The following ZMAT5 variants were observed in gnomAD, a reference collection of about 807,000 sequenced individuals.
The protein encoded by ZMAT5 is zinc finger matrin-type 5.
Under a neutral mutation model 28.0 loss-of-function variants are expected in ZMAT5, and 23 were observed. The ratio of observed to expected loss-of-function variants is 0.82; its 90% CI spans 0.59 to 1.16. ZMAT5 has a LOEUF of 1.16. ZMAT5 is among the 50% of genes most tolerant of loss of function. The pLI, the probability that ZMAT5 is intolerant of heterozygous loss-of-function variation, is 0.00. For synonymous variants in ZMAT5, 76 were observed against 84.1 expected (o/e 0.90, Z 0.52); for missense variants, 173 against 212.7 (o/e 0.81, Z 1.16).
intron 5 of ZMAT5, among the ~76,000 whole-genome samples, chr22:29,732,204 C>T (rs1373627710): frequency 1.3e-5 from 2 of 152,268 alleles, no homozygotes; most frequent in Admixed American, 1.3e-4. Flanking sequence ...TGGCCCTTCT[C>T]AGGCTTCGAA....
chr22:29,754,970 T>A (rs2068085837), intron 1 of ZMAT5, among the ~76,000 whole-genome samples: 2 of 151,994 alleles, frequency 1.3e-5, no homozygotes, highest in African/African-American at 2.4e-5. Flanking sequence ...CCCCTCACCC[T>A]CTAAGTGAAC....
chr22:29,738,472 G>A (rs767724929), intron 4 of ZMAT5, 31 bp from the exon 5 acceptor site: 7 of 1,587,526 alleles, frequency 4.4e-6, no homozygotes, highest in Non-Finnish European at 6.0e-6. Flanking sequence ...AGGCAAGTGA[G>A]GGGTACACTC....
intron 2 of ZMAT5, among the ~76,000 whole-genome samples, 186 bp from the exon 3 acceptor site, chr22:29,742,666 C>T (rs1021877079): frequency 6.6e-6 from 1 of 152,264 alleles, no homozygotes; most frequent in South Asian, 2.1e-4. Flanking sequence ...CAGATGGATC[C>T]GAGCTGCAGG....
chr22:29,748,649 G>A, intron 1 of ZMAT5, 78 bp from the exon 2 acceptor site: 2 of 1,553,126 alleles, frequency 1.3e-6, no homozygotes, highest in Non-Finnish European at 8.7e-7. Flanking sequence ...GCTTCCTGAG[G>A]GCCAGGCCTG....
intron 1 of ZMAT5, among the ~76,000 whole-genome samples, chr22:29,754,812 C>T (rs1242511422): frequency 6.6e-6 from 1 of 152,058 alleles, no homozygotes; most frequent in Non-Finnish European, 1.5e-5. Flanking sequence ...GAGGTCAAGG[C>T]TCCAGCCAGC....
intron 1 of ZMAT5, among the ~76,000 whole-genome samples, chr22:29,763,929 G>C (rs2068183860): frequency 6.6e-6 from 1 of 151,912 alleles, no homozygotes; most frequent in Non-Finnish European, 1.5e-5. Flanking sequence ...TCCAGCCTGG[G>C]CAACAGAGTA....
At chr22:29,741,142 T>C (rs1471305471) in intron 3 of ZMAT5, among the ~76,000 whole-genome samples, 1 of 152,236 alleles carries the variant, frequency 6.6e-6, no homozygotes, top group African/African-American at 2.4e-5. Context: ...CCTAGTATTC[T>C]GCCTGCCTAC....
intron 2 of ZMAT5, among the ~76,000 whole-genome samples, chr22:29,743,487 G>A (rs1376887127): frequency 6.6e-6 from 1 of 152,168 alleles, no homozygotes; most frequent in Non-Finnish European, 1.5e-5. Context: ...CTGGAGTGCA[G>A]CGGCATGATC....
At chr22:29,739,899 CGTAGG>C (rs2067945532) in intron 4 of ZMAT5, among the ~76,000 whole-genome samples, 1 of 152,224 alleles carries the variant, frequency 6.6e-6, no homozygotes, top group African/African-American at 2.4e-5. Flanking sequence ...GAGTGAGGCC[CGTAGG>C]GGGATCAGGG....
intron 3 of ZMAT5, among the ~76,000 whole-genome samples, chr22:29,740,986 A>C (rs2067957110): frequency 6.6e-6 from 1 of 152,154 alleles, no homozygotes; most frequent in Non-Finnish European, 1.5e-5. Context: ...TTCCAACTGA[A>C]GCCTGTCATG....
intron 4 of ZMAT5, 145 bp from the exon 5 acceptor site, chr22:29,738,586 C>G: frequency 1.5e-6 from 1 of 649,004 alleles, no homozygotes; most frequent in Non-Finnish European, 2.7e-6. Context: ...ACCTGGACTG[C>G]TTCTCCAGGC....
intron 5 of ZMAT5, among the ~76,000 whole-genome samples, chr22:29,734,505 C>T (rs73390978): frequency 0.046 from 6,982 of 152,272 alleles, 547 homozygotes; most frequent in African/African-American, 0.16. Context: ...ACCTGGGGAA[C>T]GCCCGAACAG....
At chr22:29,740,242 G>A (rs975439408) in intron 4 of ZMAT5, among the ~76,000 whole-genome samples, 3 of 152,302 alleles carry the variant, frequency 2.0e-5, no homozygotes, top group Admixed American at 2.0e-4. Flanking sequence ...AGAGGGCAGG[G>A]AAGGTGCGTT....
intron 1 of ZMAT5, among the ~76,000 whole-genome samples, chr22:29,750,908 G>A (rs1403447111): frequency 6.6e-6 from 1 of 152,118 alleles, no homozygotes; most frequent in African/African-American, 2.4e-5. Flanking sequence ...TAAGTCAGGG[G>A]CTGTAATGGG....
At chr22:29,759,749 AAC>A (rs2068137888) in intron 1 of ZMAT5, among the ~76,000 whole-genome samples, 1 of 152,086 alleles carries the variant, frequency 6.6e-6, no homozygotes, top group Non-Finnish European at 1.5e-5. Context: ...CAGCTTGGGC[AAC>A]AGAGTGAGAC....
At chr22:29,755,827 G>A (rs747785573) in intron 1 of ZMAT5, among the ~76,000 whole-genome samples, 21 of 152,170 alleles carry the variant, frequency 1.4e-4, no homozygotes, top group Non-Finnish European at 2.6e-4. Flanking sequence ...CCCCTCCTGT[G>A]GAGTCTTCAC....
At chr22:29,752,379 C>T (rs1235786816) in intron 1 of ZMAT5, among the ~76,000 whole-genome samples, 1 of 152,188 alleles carries the variant, frequency 6.6e-6, no homozygotes, top group Non-Finnish European at 1.5e-5. Flanking sequence ...TCTCTCACCC[C>T]CTCCACTCCA....
intron 1 of ZMAT5, among the ~76,000 whole-genome samples, chr22:29,762,077 TA>T (rs2068162584): frequency 6.6e-6 from 1 of 152,194 alleles, no homozygotes; most frequent in South Asian, 2.1e-4. Flanking sequence ...AGTAACTCTT[TA>T]CTCTGGGGAA....
At chr22:29,748,068 C>T in intron 2 of ZMAT5, 1 of 361,714 alleles carries the variant, frequency 2.8e-6, no homozygotes, top group East Asian at 7.0e-5. Context: ...CCAGCCACAC[C>T]CTCTCCCTCC....
Sources: allele counts gnomAD v4.1 joint callset (sites outside exome capture counted in the v4.1 genomes callset), GRCh38; gene constraint gnomAD v4.1.1; transcripts MANE v1.5; gene names NCBI Gene and HGNC (gene_info 2026-07-23, HGNC 2026-07-21).